Variants in REC114 observed in about 807,000 individuals in gnomAD.
REC114 encodes the protein REC114 meiotic recombination protein, also known as meiotic recombination protein REC114.
Under a neutral mutation model 31.3 loss-of-function variants are expected in REC114, and 27 were observed. That is an observed-to-expected ratio of 0.86 (90% CI 0.64 to 1.19). The LOEUF is 1.19. REC114 is among the 50% of genes most tolerant of loss of function. The pLI, the probability that REC114 is intolerant of heterozygous loss-of-function variation, is 0.00. For missense variants in REC114, 344 were observed against 326.9 expected (o/e 1.05, Z -0.40); for synonymous variants, 134 against 127.7 (o/e 1.05, Z -0.33).
intron 2 of REC114, among the ~76,000 whole-genome samples, chr15:73,474,549 A>G (rs930483359): frequency 2.0e-5 from 3 of 152,222 alleles, no homozygotes; most frequent in African/African-American, 4.8e-5. Flanking sequence ...GAAAGTTATT[A>G]TATCATTTAG....
At chr15:73,443,442 A>G (rs1038632711) in intron 1 of REC114, 98 bp downstream of exon 1, 3 of 1,361,794 alleles carry the variant, frequency 2.2e-6, no homozygotes, top group Non-Finnish European at 1.9e-6. Flanking sequence ...AGCAATGCCG[A>G]GGGGACACCG....
intron 2 of REC114, among the ~76,000 whole-genome samples, chr15:73,540,056 A>G (rs530988477): frequency 3.0e-4 from 46 of 152,320 alleles, no homozygotes; most frequent in African/African-American, 1.1e-3. Context: ...GGAATATGAA[A>G]ATAAGATTCT....
intron 2 of REC114, among the ~76,000 whole-genome samples, chr15:73,526,254 G>C (rs1358079715): frequency 6.6e-6 from 1 of 152,010 alleles, no homozygotes; most frequent in Non-Finnish European, 1.5e-5. Flanking sequence ...GTCTGATCTT[G>C]CTTTTAAAAT....
chr15:73,526,175 G>A (rs1004231797), intron 2 of REC114, among the ~76,000 whole-genome samples: 3 of 152,092 alleles, frequency 2.0e-5, no homozygotes, highest in African/African-American at 4.8e-5. Context: ...GAGTTTAAAT[G>A]CTATATCTTT....
intron 2 of REC114, among the ~76,000 whole-genome samples, chr15:73,482,878 G>C (rs558499919): frequency 4.6e-5 from 7 of 151,588 alleles, no homozygotes; most frequent in Non-Finnish European, 1.0e-4. Flanking sequence ...TGGATTATAT[G>C]GTAATTCTAT....
At chr15:73,482,330 G>T (rs750279538) in intron 2 of REC114, among the ~76,000 whole-genome samples, 6 of 152,120 alleles carry the variant, frequency 3.9e-5, no homozygotes, top group Admixed American at 6.6e-5. Context: ...GTTCATGCAA[G>T]ATCTGGTTGT....
chr15:73,525,825 T>C (rs1399341332), intron 2 of REC114, among the ~76,000 whole-genome samples: 21 of 152,166 alleles, frequency 1.4e-4, no homozygotes, highest in Admixed American at 1.4e-3. Context: ...CTGCTGATGA[T>C]AGGTATTCTA....
Position 73,534,035 on chromosome 15 carries a change from G to C in REC114, c.250-6450G>C, listed in dbSNP as rs1343761542. Among the ~76,000 whole-genome samples, 5 of 127,590 alleles carry C rather than the reference G, an allele frequency of 3.9e-5. 1 individual carries two copies. The highest frequency in any genetic ancestry group is 1.2e-4 in the African/African-American group (4 of 32,846). The allele number at this position is 127,590 out of a possible 152,430, so 83.7% of individuals were successfully genotyped here. A position where few individuals can be genotyped will look rare whatever the true frequency, so the allele number is the denominator to read the frequency against. On this transcript the variant is annotated intron_variant, in intron 2 of 5. Transcript: ENST00000331090. Reference sequence around the variant, plus strand: ...CCAGAATCTCTGGGACGCATTCAAAGCAGTGTGTAGAGGGAAATTTATAGC... The same window carrying C: ...CCAGAATCTCTGGGACGCATTCAAACCAGTGTGTAGAGGGAAATTTATAGC...
chr15:73,467,161 A>T (rs1893073259), intron 1 of REC114, among the ~76,000 whole-genome samples: 1 of 152,252 alleles, frequency 6.6e-6, no homozygotes, highest in South Asian at 2.1e-4. Context: ...TTTGAAGCTT[A>T]CATATATATT....
At chr15:73,460,054 CA>C (rs1399489788) in intron 1 of REC114, among the ~76,000 whole-genome samples, 4 of 152,060 alleles carry the variant, frequency 2.6e-5, no homozygotes, top group African/African-American at 7.2e-5. Flanking sequence ...GATGTTCTAA[CA>C]TTTTTTTTCT....
chr15:73,536,517 C>T (rs1418095179), intron 2 of REC114, among the ~76,000 whole-genome samples: 1 of 152,166 alleles, frequency 6.6e-6, no homozygotes, highest in Non-Finnish European at 1.5e-5. Context: ...TATGAGAACA[C>T]AGAGCAGGTC....
At chr15:73,491,211 A>AT (rs1893437125) in intron 2 of REC114, among the ~76,000 whole-genome samples, 1 of 78,924 alleles carries the variant, frequency 1.3e-5, no homozygotes, top group African/African-American at 4.2e-5. Context: ...TATTATCTTA[A>AT]TTTTGTGTAT....
In REC114 at chr15:73,550,932, A is replaced by G; in HGVS notation, c.334-6A>G. The G allele has an allele frequency of 6.2e-7, 1 of 1,613,752 alleles. No homozygotes were observed. Among genetic ancestry groups the G allele is most frequent in the Non-Finnish European group, 8.5e-7 (1 of 1,179,726 alleles). Reference sequence around the variant, plus strand: ...CTCTCATGATAACTTTTGATTTGTCAAACAGGACAAGAGTCGCCTGTTTCG... The same window carrying G: ...CTCTCATGATAACTTTTGATTTGTCGAACAGGACAAGAGTCGCCTGTTTCG... On this transcript the variant is annotated splice_polypyrimidine_tract_variant and splice_region_variant and intron_variant, in intron 3 of 5. Transcript: ENST00000331090.
chr15:73,543,568 A>G (rs1266358795), intron 3 of REC114, among the ~76,000 whole-genome samples: 1 of 152,266 alleles, frequency 6.6e-6, no homozygotes. Context: ...ACCTCAGGTG[A>G]TCTGCCCGCC....
chr15:73,536,186 T>G (rs1189488464), intron 2 of REC114, among the ~76,000 whole-genome samples: 1 of 152,144 alleles, frequency 6.6e-6, no homozygotes, highest in Non-Finnish European at 1.5e-5. Context: ...GGGATCTAAT[T>G]AAACTAAAGA....
intron 2 of REC114, among the ~76,000 whole-genome samples, chr15:73,520,962 G>A (rs1184646709): frequency 6.6e-6 from 1 of 152,124 alleles, no homozygotes; most frequent in African/African-American, 2.4e-5. Context: ...TTGCTCTCAG[G>A]AATCTCACAG....
intron 1 of REC114, among the ~76,000 whole-genome samples, chr15:73,467,617 T>C (rs1893079670): frequency 6.6e-6 from 1 of 152,236 alleles, no homozygotes; most frequent in African/African-American, 2.4e-5. Flanking sequence ...TACTTTGCTA[T>C]TGTTAACTCA....
chr15:73,449,684 C>G (rs1892817472), intron 1 of REC114, among the ~76,000 whole-genome samples: 1 of 152,054 alleles, frequency 6.6e-6, no homozygotes, highest in Admixed American at 6.5e-5. Context: ...AACCCTAAGA[C>G]ATATAATCGT....
chr15:73,547,122 G>A (rs565899358), intron 3 of REC114, among the ~76,000 whole-genome samples: 1 of 152,110 alleles, frequency 6.6e-6, no homozygotes, highest in African/African-American at 2.4e-5. Flanking sequence ...CCCACAGAAG[G>A]GGAGAAAATA....
Sources: gnomAD v4.1 joint callset for allele counts (sites outside exome capture counted in the v4.1 genomes callset) on GRCh38, gnomAD v4.1.1 for gene constraint, MANE v1.5 for transcripts, NCBI Gene and HGNC (gene_info 2026-07-23, HGNC 2026-07-21) for gene names.